The following FRMD4A variants were observed in gnomAD, a reference collection of about 807,000 sequenced individuals.
The protein encoded by FRMD4A is FERM domain-containing protein 4A.
A neutral mutation model predicts 129.1 loss-of-function variants in FRMD4A; 29 were observed. That is an observed-to-expected ratio of 0.22 (90% CI 0.17 to 0.31). FRMD4A has a LOEUF of 0.31. FRMD4A is among the 10% of genes least tolerant of loss of function. The pLI is 1.00. For synonymous variants in FRMD4A, 634 were observed against 571.6 expected (o/e 1.11, Z -1.56); for missense variants, 1,272 against 1,375.8 (o/e 0.92, Z 1.19).
chr10:13,819,861 A>G (rs2093603612), intron 3 of FRMD4A, among the ~76,000 whole-genome samples: 1 of 152,146 alleles, frequency 6.6e-6, no homozygotes, highest in Non-Finnish European at 1.5e-5. Context: ...AGCTGGGATT[A>G]TAGGCATGTG....
At chr10:14,284,668 A>G (rs1374959562) in intron 2 of FRMD4A, among the ~76,000 whole-genome samples, 2 of 152,264 alleles carry the variant, frequency 1.3e-5, no homozygotes, top group Middle Eastern at 3.4e-3. Context: ...AACAAACAAA[A>G]AATTGTTGCA....
chr10:13,720,904 T>A (rs2089351370), intron 12 of FRMD4A, among the ~76,000 whole-genome samples: 1 of 152,220 alleles, frequency 6.6e-6, no homozygotes, highest in South Asian at 2.1e-4. Flanking sequence ...AAAAAAGGAA[T>A]GCAGTACTAA....
intron 2 of FRMD4A, among the ~76,000 whole-genome samples, chr10:14,267,941 T>A (rs887262541): frequency 1.3e-5 from 2 of 152,212 alleles, no homozygotes; most frequent in Non-Finnish European, 2.9e-5. Context: ...AAAACATCAG[T>A]ATCTTAAATC....
At chr10:14,119,395 C>T (rs76041017) in intron 2 of FRMD4A, among the ~76,000 whole-genome samples, 3,548 of 152,204 alleles carry the variant, frequency 0.023, 67 homozygotes, top group Non-Finnish European at 0.036. Context: ...GGTACCTGAA[C>T]GAGGAGAAGG....
intron 2 of FRMD4A, among the ~76,000 whole-genome samples, chr10:14,066,152 G>C (rs2131708812): frequency 6.6e-6 from 1 of 152,172 alleles, no homozygotes; most frequent in South Asian, 2.1e-4. Context: ...CAAATATTCA[G>C]AAACACTCCA....
chr10:13,955,150 C>G (rs909445001), intron 2 of FRMD4A, among the ~76,000 whole-genome samples: 7 of 113,758 alleles, frequency 6.2e-5, no homozygotes, highest in African/African-American at 2.4e-4. Flanking sequence ...CTCTGTCACC[C>G]AGGCTGGAGT....
intron 4 of FRMD4A, among the ~76,000 whole-genome samples, chr10:13,798,708 C>A (rs527876850): frequency 1.3e-5 from 2 of 152,308 alleles, no homozygotes; most frequent in South Asian, 4.1e-4. Flanking sequence ...CAGAGCGAGA[C>A]TCCGTCTCAT....
rs773933481 is a variant in FRMD4A, at chr10:13,884,144, T to TCACCCACCCACACACTCACACACACA, written c.46-25233_46-25232insTGTGTGTGTGAGTGTGTGGGTGGGTG. 2.9e-5 allele frequency among the ~76,000 whole-genome samples: 3 copies of TCACCCACCCACACACTCACACACACA among 105,162 alleles called. No individual in the cohort carries two copies. The South Asian group carries it at 9.9e-4, about 35-fold the overall frequency. The allele number at this position is 105,162 out of a possible 152,430, so 69.0% of individuals were successfully genotyped here. A position where few individuals can be genotyped will look rare whatever the true frequency, so the allele number is the denominator to read the frequency against. On this transcript the variant is annotated intron_variant, in intron 2 of 24. Transcript: ENST00000357447. Reference sequence around the variant, plus strand: ...CACTCACACACACGCTCACACACACTCTCACACACTCTCACACACACACTC... The same window carrying TCACCCACCCACACACTCACACACACA: ...CACTCACACACACGCTCACACACACTCACCCACCCACACACTCACACACACACTCACACACTCTCACACACACACTC...
chr10:14,291,494 G>T (rs930123159), intron 2 of FRMD4A, among the ~76,000 whole-genome samples: 1 of 152,058 alleles, frequency 6.6e-6, no homozygotes, highest in Non-Finnish European at 1.5e-5. Flanking sequence ...AGAATGCAAG[G>T]TTGGCTTAAT....
At chr10:14,227,455 T>C (rs759426905) in intron 2 of FRMD4A, among the ~76,000 whole-genome samples, 1 of 151,910 alleles carries the variant, frequency 6.6e-6, no homozygotes, top group Non-Finnish European at 1.5e-5. Context: ...TTTCGCCATG[T>C]TGGCTGGGCT....
intron 5 of FRMD4A, among the ~76,000 whole-genome samples, chr10:13,786,494 T>C (rs1300291372): frequency 6.6e-6 from 1 of 152,108 alleles, no homozygotes; most frequent in Non-Finnish European, 1.5e-5. Flanking sequence ...TAATCCCAGC[T>C]ACTTGGGAGG....
chr10:13,662,440 C>T (rs761447932), intron 19 of FRMD4A, among the ~76,000 whole-genome samples: 4 of 152,100 alleles, frequency 2.6e-5, no homozygotes, highest in African/African-American at 4.8e-5. Context: ...CCTGAGGTTT[C>T]CATACAGGGC....
intron 21 of FRMD4A, among the ~76,000 whole-genome samples, chr10:13,658,645 C>G (rs991972165): frequency 6.6e-6 from 1 of 152,108 alleles, no homozygotes; most frequent in African/African-American, 2.4e-5. Flanking sequence ...CTTTGGGAGG[C>G]CAAGGTGGGT....
intron 9 of FRMD4A, among the ~76,000 whole-genome samples, chr10:13,742,498 A>T (rs188609373): frequency 6.6e-6 from 1 of 152,158 alleles, no homozygotes; most frequent in African/African-American, 2.4e-5. Context: ...TGTACCCTCG[A>T]GATCTCAATA....
At chr10:13,919,072 G>T (rs1200748786) in intron 2 of FRMD4A, among the ~76,000 whole-genome samples, 3 of 152,016 alleles carry the variant, frequency 2.0e-5, no homozygotes, top group African/African-American at 7.3e-5. Flanking sequence ...GGTATCGTAT[G>T]GTCCAATTTC....
intron 4 of FRMD4A, among the ~76,000 whole-genome samples, chr10:13,808,800 GGA>G (rs2093399300): frequency 6.6e-6 from 1 of 152,220 alleles, no homozygotes; most frequent in Non-Finnish European, 1.5e-5. Flanking sequence ...TTCTGTGGCT[GGA>G]GAGACCCTCC....
At chr10:14,311,613 C>G (rs1846552429) in intron 2 of FRMD4A, among the ~76,000 whole-genome samples, 1 of 143,284 alleles carries the variant, frequency 7.0e-6, no homozygotes, top group South Asian at 2.6e-4. Context: ...TCTCTCTCCC[C>G]TCTCCATCTT....
At chr10:13,680,147 C>A (rs144968576) in intron 15 of FRMD4A, among the ~76,000 whole-genome samples, 137 of 152,250 alleles carry the variant, frequency 9.0e-4, no homozygotes, top group African/African-American at 3.1e-3. Flanking sequence ...CCTTAGGGCT[C>A]AGGGAAATGG....
chr10:14,153,405 CA>C (rs1840438835), intron 2 of FRMD4A, among the ~76,000 whole-genome samples: 1 of 152,162 alleles, frequency 6.6e-6, no homozygotes, highest in Non-Finnish European at 1.5e-5. Context: ...GTACTCACAG[CA>C]GACATTATTA....
Sources: allele counts gnomAD v4.1 joint callset (sites outside exome capture counted in the v4.1 genomes callset), GRCh38; gene constraint gnomAD v4.1.1; transcripts MANE v1.5; gene names NCBI Gene and HGNC (gene_info 2026-07-23, HGNC 2026-07-21).